The following SNAP91 variants were observed in gnomAD, a reference collection of about 807,000 sequenced individuals.
SNAP91 encodes clathrin coat assembly protein AP180.
In SNAP91, 27 loss-of-function variants were observed where a neutral mutation model predicts 100.3. That is an observed-to-expected ratio of 0.27 (90% CI 0.20 to 0.37). The LOEUF is 0.37. Among genes scored for constraint, SNAP91 ranks in the 10% least tolerant of loss-of-function variants. The pLI is 1.00. For missense variants in SNAP91, 986 were observed against 1,123.7 expected, an observed-to-expected ratio of 0.88 and a Z score of 1.75; for synonymous variants, 404 against 398.6, an observed-to-expected ratio of 1.01 and a Z score of -0.16.
intron 2 of SNAP91, among the ~76,000 whole-genome samples, chr6:83,697,899 C>T (rs2099241076): frequency 6.6e-6 from 1 of 152,066 alleles, no homozygotes; most frequent in Non-Finnish European, 1.5e-5. Flanking sequence ...AGGAATAAGA[C>T]AGTCTCAAAG....
intron 8 of SNAP91, among the ~76,000 whole-genome samples, chr6:83,626,434 C>T (rs577304227): frequency 2.6e-5 from 4 of 151,952 alleles, no homozygotes; most frequent in Admixed American, 6.6e-5. Context: ...ATTGAATCTA[C>T]GGATTGCTTT....
chr6:83,693,171 T>C lies in SNAP91; in HGVS notation c.130+14627A>G, dbSNP rs183103827. ...GCATAAGTCTTGCAGTTAGGACCGC[T>C]GAAGAAATCCTGACTCCTCCCCTCA... On this transcript the variant is annotated intron_variant, in intron 2 of 29. Coordinates refer to ENST00000369694, the MANE Select transcript of SNAP91 (RefSeq NM_001242792.2). Among the ~76,000 whole-genome samples, 307 of 152,326 alleles carry C rather than the reference T, an allele frequency of 2.0e-3. 3 individuals carry two copies. The highest frequency in any genetic ancestry group is 0.016 in the South Asian group (77 of 4,828).
At chr6:83,653,714 G>T (rs935700690) in intron 7 of SNAP91, among the ~76,000 whole-genome samples, 16 of 152,182 alleles carry the variant, frequency 1.1e-4, no homozygotes, top group African/African-American at 3.9e-4. Context: ...AAAAGGAACT[G>T]CTGTAAATAG....
chr6:83,638,870 T>A (rs1283533923), intron 8 of SNAP91, among the ~76,000 whole-genome samples: 1 of 152,184 alleles, frequency 6.6e-6, no homozygotes, highest in Non-Finnish European at 1.5e-5. Context: ...ATATCTACCT[T>A]AGAATAGAAA....
chr6:83,611,439 T>C, intron 11 of SNAP91: 1 of 456,056 alleles, frequency 2.2e-6, no homozygotes, highest in Non-Finnish European at 4.4e-6. Context: ...ACAGCTCACA[T>C]TTTACTAACT....
At chr6:83,570,500 G>A (rs942941574) in intron 26 of SNAP91, among the ~76,000 whole-genome samples, 3 of 148,742 alleles carry the variant, frequency 2.0e-5, no homozygotes, top group East Asian at 2.0e-4. Context: ...TCCAGGACAC[G>A]TCAGAGAACT....
At chr6:83,690,736 ATG>A (rs2099119768) in intron 2 of SNAP91, among the ~76,000 whole-genome samples, 1 of 152,066 alleles carries the variant, frequency 6.6e-6, no homozygotes, top group African/African-American at 2.4e-5. Flanking sequence ...TATAAGAAAA[ATG>A]AGATGGGCAG....
At chr6:83,614,834 A>T (rs758892456) in intron 11 of SNAP91, 23 bp downstream of exon 11, 331 of 1,558,682 alleles carry the variant, frequency 2.1e-4, no homozygotes, top group Non-Finnish European at 2.8e-4. Flanking sequence ...AAATGCAAAA[A>T]ACTCACTCCA....
intron 28 of SNAP91, among the ~76,000 whole-genome samples, chr6:83,557,514 T>TAA (rs397973683): frequency 4.2e-5 from 6 of 143,124 alleles, no homozygotes; most frequent in African/African-American, 1.5e-4. Flanking sequence ...CAAAAAATAA[T>TAA]AAAAAAAAAA....
At position 83,566,138 on chromosome 6, in the gene SNAP91, C is replaced by T. The variant is rs183224156; in HGVS notation, c.2443-5191G>A. Among the ~76,000 whole-genome samples, 799 of 152,070 alleles carry T rather than the reference C, an allele frequency of 5.3e-3. 3 individuals are homozygous for T. Among genetic ancestry groups the T allele is most frequent in the Non-Finnish European group, 6.9e-3 (469 of 67,970 alleles). ...AAAAATGGAGTACTGATACATGCTT[C>T]GACATGGATAAACCTAGAAAATGTT... On this transcript the variant is annotated intron_variant, in intron 26 of 29. Transcript: ENST00000369694.
Position 83,662,943 on chromosome 6 carries a change from G to A in SNAP91, c.274-521C>T, listed in dbSNP as rs556167283. Among the ~76,000 whole-genome samples, 7 of 152,206 alleles carry A rather than the reference G, an allele frequency of 4.6e-5. No homozygotes were observed. In the South Asian group the frequency reaches 1.5e-3, roughly 32 times the overall value. On this transcript the variant is annotated intron_variant, in intron 3 of 29. Coordinates refer to ENST00000369694, the MANE Select transcript of SNAP91 (RefSeq NM_001242792.2). ...TTTGTGGCAACTCAGGGATGAGCCA[G>A]TCTATCAGTGCTCACTTTGTGTCAC...
At chr6:83,684,803 C>T (rs1177961251) in intron 2 of SNAP91, among the ~76,000 whole-genome samples, 4 of 152,146 alleles carry the variant, frequency 2.6e-5, no homozygotes, top group African/African-American at 7.2e-5. Flanking sequence ...TTTAATATCA[C>T]ATTGACATTA....
In SNAP91 at chr6:83,589,011, A is replaced by C. The variant is rs537884354; in HGVS notation, c.2014+2200T>G. Among the ~76,000 whole-genome samples, 21 of 152,312 alleles carry C rather than the reference A, an allele frequency of 1.4e-4. 2 individuals are homozygous for C. Among genetic ancestry groups the C allele is most frequent in the Admixed American group, 1.0e-3 (16 of 15,302 alleles). On this transcript the variant is annotated intron_variant, in intron 22 of 29. Coordinates refer to ENST00000369694, the MANE Select transcript of SNAP91 (RefSeq NM_001242792.2). ...TTCATAGGCTTCTGTGAAAGGCCAG[A>C]ATATTTGATTTTATGGGCCGTTTTA...
intron 19 of SNAP91, 21 bp from the exon 20 acceptor site, chr6:83,593,038 CA>C: frequency 6.4e-7 from 1 of 1,563,480 alleles, no homozygotes; most frequent in Non-Finnish European, 8.7e-7. Flanking sequence ...TGAAACAAAC[CA>C]AAACCAAGCA....
Position 83,644,798 on chromosome 6 carries a change from G to A in SNAP91, c.659-3596C>T, listed in dbSNP as rs146775740. Reference sequence around the variant, plus strand: ...GCACCAATATTGATTCCAACATTAGGTGTAAAGTATTGGTCACGAAATCCT... The same window carrying A: ...GCACCAATATTGATTCCAACATTAGATGTAAAGTATTGGTCACGAAATCCT... On this transcript the variant is annotated intron_variant, in intron 7 of 29. Coordinates refer to ENST00000369694, the MANE Select transcript of SNAP91 (RefSeq NM_001242792.2). Among the ~76,000 whole-genome samples the A allele has an allele frequency of 4.0e-3, 616 of 152,238 alleles. 3 individuals are homozygous for A. The highest frequency in any genetic ancestry group is 6.8e-3 in the Admixed American group (104 of 15,298).
intron 7 of SNAP91, among the ~76,000 whole-genome samples, chr6:83,647,017 A>G (rs1275058669): frequency 2.0e-5 from 3 of 150,626 alleles, no homozygotes; most frequent in Non-Finnish European, 3.0e-5. Context: ...AAAGCCACTG[A>G]CTTTTGTACA....
At chr6:83,655,448 C>A (rs2098375805) in intron 7 of SNAP91, among the ~76,000 whole-genome samples, 1 of 152,172 alleles carries the variant, frequency 6.6e-6, no homozygotes, top group African/African-American at 2.4e-5. Context: ...ACAGCAGATT[C>A]AAATGCTGTA....
Position 83,575,002 on chromosome 6 carries a change from C to G in SNAP91, c.2442+8G>C, listed in dbSNP as rs777295135. 2 of 1,569,632 alleles carry G rather than the reference C, an allele frequency of 1.3e-6. No individual in the cohort carries two copies. The highest frequency in any genetic ancestry group is 1.7e-6 in the Non-Finnish European group (2 of 1,151,244). On this transcript the variant is annotated splice_region_variant and intron_variant, in intron 26 of 29. Coordinates refer to ENST00000369694, the MANE Select transcript of SNAP91 (RefSeq NM_001242792.2). ...CCTGCGCTGCCCTGGGCTCTGATTGCTACATACCAAAGGTGCACTTGGTGG... is the reference window on the plus strand; with the variant it reads ...CCTGCGCTGCCCTGGGCTCTGATTGGTACATACCAAAGGTGCACTTGGTGG...
chr6:83,615,711 A>T (rs1351101188), intron 10 of SNAP91, among the ~76,000 whole-genome samples: 1 of 152,212 alleles, frequency 6.6e-6, no homozygotes, highest in Admixed American at 6.5e-5. Flanking sequence ...TTATCACTGC[A>T]AATTTAAAAC....
Sources: allele counts gnomAD v4.1 joint callset (sites outside exome capture counted in the v4.1 genomes callset), GRCh38; gene constraint gnomAD v4.1.1; transcripts MANE v1.5; gene names NCBI Gene and HGNC (gene_info 2026-07-23, HGNC 2026-07-21).